Variants in FBLN5 observed in about 807,000 individuals in gnomAD.
FBLN5 encodes the protein fibulin-5.
In FBLN5, 24 loss-of-function variants were observed where a neutral mutation model predicts 61.6. The ratio of observed to expected loss-of-function variants is 0.39; its 90% CI spans 0.28 to 0.55. The LOEUF (loss-of-function observed/expected upper bound fraction) is 0.55. FBLN5 is among the 20% of genes least tolerant of loss of function. FBLN5 has a pLI of 0.65. For missense variants in FBLN5, 470 were observed against 594.1 expected, an observed-to-expected ratio of 0.79 and a Z score of 2.17; for synonymous variants, 213 against 219.8, an observed-to-expected ratio of 0.97 and a Z score of 0.27.
chr14:91,915,302 T>C (rs1450604150), intron 4 of FBLN5, among the ~76,000 whole-genome samples: 1 of 152,166 alleles, frequency 6.6e-6, no homozygotes, highest in East Asian at 1.9e-4. Flanking sequence ...TAAAAACTTA[T>C]TAAGTAGACA....
chr14:91,906,893 T>A (rs1890706467), intron 4 of FBLN5, among the ~76,000 whole-genome samples: 1 of 152,134 alleles, frequency 6.6e-6, no homozygotes, highest in South Asian at 2.1e-4. Context: ...CAAAGATAAA[T>A]GACACACAGG....
intron 4 of FBLN5, among the ~76,000 whole-genome samples, chr14:91,923,441 G>T (rs2055774519): frequency 6.6e-6 from 1 of 152,084 alleles, no homozygotes; most frequent in Non-Finnish European, 1.5e-5. Context: ...AGCCACACTG[G>T]GTGTCATAAG....
At chr14:91,927,189 C>T (rs923163693) in intron 4 of FBLN5, among the ~76,000 whole-genome samples, 2 of 152,130 alleles carry the variant, frequency 1.3e-5, no homozygotes, top group African/African-American at 2.4e-5. Flanking sequence ...TGTTTCAATC[C>T]GTTTTATCCC....
intron 6 of FBLN5, among the ~76,000 whole-genome samples, chr14:91,890,841 C>A (rs1889959904): frequency 6.6e-6 from 1 of 152,138 alleles, no homozygotes; most frequent in Non-Finnish European, 1.5e-5. Flanking sequence ...GGCCAGGGAC[C>A]CTGACCAACC....
chr14:91,877,647 C>T lies in FBLN5; in HGVS notation c.1025G>A (p.Arg342Lys). The change falls in exon 10 of 11, where the codon AGA becomes AAA. Residue 342 changes from arginine (R) to lysine (K), a missense_variant. Arg to Lys is a conservative substitution (Grantham distance 26). Transcript: ENST00000342058. The stretch of plus-strand genomic sequence containing the variant: ...GTACAAGATGGTAAAGGGCTGGTCT[C>T]TGCAGCCAGGGTTCTCAGCAGGACA... ...CMCPAENPGC[R>K]DQPFTILYRD... 1 of 1,614,174 alleles carries T rather than the reference C, an allele frequency of 6.2e-7. No homozygotes were observed. The highest frequency in any genetic ancestry group is 8.5e-7 in the Non-Finnish European group (1 of 1,180,006).
chr14:91,937,074 G>A lies in FBLN5; in HGVS notation c.252C>T (p.Tyr84=), dbSNP rs1227667192. Reference sequence around the variant, plus strand: ...GGTACGGACCTGAGTAGGGGGTCGAGTAGGGGTTCGAGTAGGGCCCTCGAT... The same window carrying A: ...GGTACGGACCTGAGTAGGGGGTCGAATAGGGGTTCGAGTAGGGCCCTCGAT... ...PVYRGPYSNP[Y]STPYSGPYPA... Residue 84 remains tyrosine (Y), a synonymous_variant, in exon 4 of 11, where the codon TAC becomes TAT. Transcript: ENST00000342058. 2 of 1,613,986 alleles carry A rather than the reference G, an allele frequency of 1.2e-6. No homozygotes were observed. The highest frequency in any genetic ancestry group is 1.3e-5 in the African/African-American group (1 of 75,004).
At chr14:91,938,451 A>G (rs925613787) in intron 3 of FBLN5, 13 of 152,682 alleles carry the variant, frequency 8.5e-5, no homozygotes, top group African/African-American at 2.7e-4. Context: ...GGGAAACTCC[A>G]TCTCAAAACA....
chr14:91,915,459 G>A (rs1891149639), intron 4 of FBLN5, among the ~76,000 whole-genome samples: 2 of 152,012 alleles, frequency 1.3e-5, no homozygotes, highest in Non-Finnish European at 2.9e-5. Context: ...GCCAAGGCGG[G>A]TGGATCACGA....
chr14:91,947,141 T>C lies in FBLN5; in HGVS notation c.17+72A>G. 1.2e-6 allele frequency: 2 copies of C among 1,605,886 alleles called. No individual in the cohort carries two copies. Among genetic ancestry groups the C allele is most frequent in the Non-Finnish European group, 1.7e-6 (2 of 1,173,000 alleles). The stretch of plus-strand genomic sequence containing the variant: ...ACCGCCTGAATCGCAGCCATAACCA[T>C]TTTCCACCCATCGGATTTTTAGCAA... On this transcript the variant is annotated intron_variant, in intron 1 of 10. Coordinates refer to ENST00000342058, the MANE Select transcript of FBLN5 (RefSeq NM_006329.4). The surrounding 1 kb of genome is among the most constrained non-coding windows in gnomAD (Gnocchi z 4.3).
At chr14:91,892,490 AC>A (rs1367277354) in intron 5 of FBLN5, among the ~76,000 whole-genome samples, 1 of 152,108 alleles carries the variant, frequency 6.6e-6, no homozygotes, top group African/African-American at 2.4e-5. Context: ...TTGATCCCTT[AC>A]CTATTGTTCA....
Position 91,929,165 on chromosome 14 carries a change from T to TA in FBLN5, c.379+7781dup, listed in dbSNP as rs1204577828. ...TATAGATACTTGTTTATCAGTGCAT[T>TA]AAAAAAAAATTAGGCAGATCTAGTA... On this transcript the variant is annotated intron_variant, in intron 4 of 10. Coordinates refer to ENST00000342058, the MANE Select transcript of FBLN5 (RefSeq NM_006329.4). Among the ~76,000 whole-genome samples the TA allele has an allele frequency of 2.0e-5, 3 of 149,634 alleles. No individual in the cohort carries two copies. In the South Asian group the frequency reaches 6.3e-4, roughly 32 times the overall value.
intron 4 of FBLN5, among the ~76,000 whole-genome samples, chr14:91,911,935 C>G (rs1331589453): frequency 6.6e-6 from 1 of 152,222 alleles, no homozygotes; most frequent in African/African-American, 2.4e-5. Context: ...GGAAGACCTC[C>G]TCATCTGATG....
intron 1 of FBLN5, chr14:91,946,862 GTAA>G: frequency 2.0e-6 from 3 of 1,492,702 alleles, no homozygotes; most frequent in Non-Finnish European, 1.8e-6. Flanking sequence ...TAGTGAACTA[GTAA>G]TTGGCCTCCC....
intron 4 of FBLN5, among the ~76,000 whole-genome samples, chr14:91,907,537 G>T (rs1359387961): frequency 6.6e-6 from 1 of 152,160 alleles, no homozygotes; most frequent in Non-Finnish European, 1.5e-5. Context: ...TGTACAGTCA[G>T]AGAGCCGGGG....
At chr14:91,927,096 C>T (rs2055842552) in intron 4 of FBLN5, among the ~76,000 whole-genome samples, 1 of 152,098 alleles carries the variant, frequency 6.6e-6, no homozygotes, top group African/African-American at 2.4e-5. Context: ...CCATTTTTCC[C>T]CACAAAAGAA....
chr14:91,894,976 T>C lies in FBLN5; in HGVS notation c.476A>G (p.Tyr159Cys). ...TAAGCACTGGCCTTCCAGAAGCCAATATCCGTCGGTGCAGGAGCAGGTGTA... is the reference window on the plus strand; with the variant it reads ...TAAGCACTGGCCTTCCAGAAGCCAACATCCGTCGGTGCAGGAGCAGGTGTA... ...GGYTCSCTDG[Y>C]WLLEGQCLDI... The change falls in exon 5 of 11, where the codon TAT (tyrosine) becomes TGT (cysteine). Residue 159 changes from tyrosine (Y) to cysteine (C), a missense_variant. Transcript: ENST00000342058. 6.2e-7 allele frequency: 1 copy of C among 1,614,070 alleles called. No homozygotes were observed. The highest frequency in any genetic ancestry group is 8.5e-7 in the Non-Finnish European group (1 of 1,179,968).
chr14:91,915,597 G>A (rs1891158164), intron 4 of FBLN5, among the ~76,000 whole-genome samples: 1 of 140,370 alleles, frequency 7.1e-6, no homozygotes, highest in African/African-American at 2.6e-5. Context: ...TGAGGCAGGA[G>A]AATGGCATGA....
At chr14:91,910,120 C>T (rs560712668) in intron 4 of FBLN5, among the ~76,000 whole-genome samples, 13 of 152,306 alleles carry the variant, frequency 8.5e-5, no homozygotes, top group African/African-American at 3.1e-4. Flanking sequence ...GTGGAAGCAA[C>T]CCAAATGTCT....
chr14:91,937,157 T>C lies in FBLN5; in HGVS notation c.169A>G (p.Met57Val). ...CCGCCATTTTGGTTAACACACATCATGTCTCCTCGGCAGGCCTCGGGGATG... is the reference window on the plus strand; with the variant it reads ...CCGCCATTTTGGTTAACACACATCACGTCTCCTCGGCAGGCCTCGGGGATG... ...RTIPEACRGD[M>V]MCVNQNGGYL... Residue 57 changes from methionine (M) to valine (V), a missense_variant, in exon 4 of 11, where the codon ATG becomes GTG. Coordinates refer to ENST00000342058, the MANE Select transcript of FBLN5 (RefSeq NM_006329.4). 1.2e-6 allele frequency: 2 copies of C among 1,614,100 alleles called. No homozygotes were observed. Among genetic ancestry groups the C allele is most frequent in the Non-Finnish European group, 1.7e-6 (2 of 1,180,006 alleles).
Sources: gnomAD v4.1 joint callset for allele counts (sites outside exome capture counted in the v4.1 genomes callset) on GRCh38, gnomAD v4.1.1 for gene constraint, Gnocchi (gnomAD v3.1) non-coding constraint, MANE v1.5 for transcripts, NCBI Gene and HGNC (gene_info 2026-07-23, HGNC 2026-07-21) for gene names.